The following SIL1 variants were observed in gnomAD, a reference collection of about 807,000 sequenced individuals.
The protein encoded by SIL1 is nucleotide exchange factor SIL1.
Under a neutral mutation model 49.1 loss-of-function variants are expected in SIL1, and 40 were observed. That is an observed-to-expected ratio of 0.81 (90% confidence interval 0.63 to 1.06). The LOEUF (loss-of-function observed/expected upper bound fraction) is 1.06, where lower values mean the gene tolerates loss of function less well. Ranked by LOEUF, SIL1 falls within the 50% of genes least tolerant of loss-of-function variation. The pLI is 0.00. For missense variants in SIL1, 500 were observed against 572.6 expected, an observed-to-expected ratio of 0.87 and a Z score of 1.29; for synonymous variants, 253 against 250.8, an observed-to-expected ratio of 1.01 and a Z score of -0.08.
In SIL1 at chr5:139,170,146, G is replaced by A. The variant is rs543170035; in HGVS notation, c.-11+28123C>T. 7.9e-5 allele frequency among the ~76,000 whole-genome samples: 12 copies of A among 152,370 alleles called. No individual in the cohort carries two copies. The East Asian group carries it at 2.1e-3, about 27-fold the overall frequency. On this transcript the variant is annotated intron_variant, in intron 1 of 9. Transcript: ENST00000394817. ...GGCCTCCCGAGGTGCTGGGATTGCA[G>A]ACGGAGTCTGGTTCACTCAGTGCTC...
intron 1 of SIL1, among the ~76,000 whole-genome samples, chr5:139,179,049 C>A (rs1175706449): frequency 3.9e-5 from 6 of 152,218 alleles, no homozygotes; most frequent in Admixed American, 2.0e-4. Flanking sequence ...TCCTGACATT[C>A]TTTAAGCTGG....
At chr5:139,013,245 C>T (rs981248185) in intron 7 of SIL1, among the ~76,000 whole-genome samples, 14 of 152,158 alleles carry the variant, frequency 9.2e-5, no homozygotes, top group Admixed American at 2.0e-4. Context: ...AAGAGTGCTT[C>T]CTATGTGGTG....
At chr5:139,143,493 C>G (rs1451901246) in intron 1 of SIL1, among the ~76,000 whole-genome samples, 6 of 151,762 alleles carry the variant, frequency 4.0e-5, no homozygotes, top group African/African-American at 1.5e-4. Context: ...GCCTCAGCCT[C>G]CCAAGTAGCT....
At chr5:139,143,344 C>CACACACAT (rs1451727500) in intron 1 of SIL1, among the ~76,000 whole-genome samples, 3 of 97,530 alleles carry the variant, frequency 3.1e-5, no homozygotes, top group African/African-American at 1.6e-4. Context: ...CACACACACA[C>CACACACAT]ATATATATAT....
At chr5:139,075,570 C>G (rs1769930684) in intron 3 of SIL1, among the ~76,000 whole-genome samples, 1 of 152,206 alleles carries the variant, frequency 6.6e-6, no homozygotes, top group African/African-American at 2.4e-5. Context: ...CTCCCTGACT[C>G]TGCAGACATC....
chr5:139,174,117 T>C (rs1193473976), intron 1 of SIL1, among the ~76,000 whole-genome samples: 2 of 150,356 alleles, frequency 1.3e-5, no homozygotes, highest in Non-Finnish European at 3.0e-5. Context: ...AGATAGAGAA[T>C]AGAAAAATAA....
chr5:139,015,795 T>G (rs1325248430), intron 7 of SIL1, among the ~76,000 whole-genome samples: 2 of 152,238 alleles, frequency 1.3e-5, no homozygotes, highest in Non-Finnish European at 2.9e-5. Context: ...ATCTCTAAAC[T>G]AATACACATC....
intron 7 of SIL1, among the ~76,000 whole-genome samples, chr5:138,991,216 T>C (rs1207506773): frequency 6.6e-6 from 1 of 152,230 alleles, no homozygotes; most frequent in Non-Finnish European, 1.5e-5. Flanking sequence ...GGGCCAGCTA[T>C]AATCTTTTCC....
At chr5:138,960,690 A>AGG (rs1767002241) in intron 7 of SIL1, among the ~76,000 whole-genome samples, 2 of 152,230 alleles carry the variant, frequency 1.3e-5, no homozygotes, top group Non-Finnish European at 2.9e-5. Context: ...TCCTGGCCTC[A>AGG]AGTGATCTGC....
At chr5:139,029,882 TG>T (rs1232259462) in intron 5 of SIL1, among the ~76,000 whole-genome samples, 1 of 150,800 alleles carries the variant, frequency 6.6e-6, no homozygotes, top group Non-Finnish European at 1.5e-5. Flanking sequence ...CAGGCTGAGG[TG>T]GGAGGATCAC....
At chr5:139,056,760 G>A (rs1225521319) in intron 3 of SIL1, among the ~76,000 whole-genome samples, 2 of 149,214 alleles carry the variant, frequency 1.3e-5, no homozygotes, top group Non-Finnish European at 3.0e-5. Context: ...CTGCCTGCCC[G>A]CCCCTACTGG....
intron 3 of SIL1, among the ~76,000 whole-genome samples, chr5:139,071,730 C>T (rs1404242873): frequency 2.1e-5 from 3 of 144,366 alleles, no homozygotes; most frequent in African/African-American, 7.8e-5. Context: ...TGCAGTGGTG[C>T]GATCTCAGCT....
chr5:139,012,311 T>G (rs1768294557), intron 7 of SIL1: 1 of 152,312 alleles, frequency 6.6e-6, no homozygotes, highest in African/African-American at 2.4e-5. Context: ...CACTTTGGCC[T>G]CCCAAAGTGC....
intron 4 of SIL1, among the ~76,000 whole-genome samples, chr5:139,046,155 C>T (rs1425162450): frequency 1.4e-4 from 22 of 152,258 alleles, no homozygotes; most frequent in Non-Finnish European, 1.5e-4. Flanking sequence ...GGTGAAACTC[C>T]GTCTCTACTA....
At chr5:139,000,236 T>C (rs6878822) in intron 7 of SIL1, among the ~76,000 whole-genome samples, 3,272 of 152,338 alleles carry the variant, frequency 0.021, 123 homozygotes, top group African/African-American at 0.076. Context: ...ATGGTTTTTG[T>C]TCTTGATTCT....
chr5:139,057,975 G>T (rs1769493886), intron 3 of SIL1, among the ~76,000 whole-genome samples: 1 of 152,048 alleles, frequency 6.6e-6, no homozygotes, highest in African/African-American at 2.4e-5. Flanking sequence ...CCTCCTAAAG[G>T]CCCCACCTTC....
At chr5:139,125,204 C>T (rs1370293125) in intron 2 of SIL1, among the ~76,000 whole-genome samples, 1 of 152,192 alleles carries the variant, frequency 6.6e-6, no homozygotes, top group Non-Finnish European at 1.5e-5. Flanking sequence ...AAGTAAACCC[C>T]GTGCTCTGGT....
intron 7 of SIL1, among the ~76,000 whole-genome samples, chr5:138,997,129 T>C (rs1767887828): frequency 6.6e-6 from 1 of 152,028 alleles, no homozygotes; most frequent in African/African-American, 2.4e-5. Flanking sequence ...GGGGTCTCAC[T>C]GTGTTGCCCA....
chr5:139,136,718 A>G (rs1364566131), intron 1 of SIL1, among the ~76,000 whole-genome samples: 1 of 152,190 alleles, frequency 6.6e-6, no homozygotes, highest in East Asian at 1.9e-4. Context: ...GGCCACTCCA[A>G]AAGGCTCAAT....
Sources: gnomAD v4.1 joint callset for allele counts (sites outside exome capture counted in the v4.1 genomes callset) on GRCh38, gnomAD v4.1.1 for gene constraint, MANE v1.5 for transcripts, NCBI Gene and HGNC (gene_info 2026-07-23, HGNC 2026-07-21) for gene names.